The following CTNND2 variants were observed in gnomAD, a reference collection of about 807,000 sequenced individuals.
CTNND2 encodes the protein catenin delta-2.
CTNND2 carries 22 observed loss-of-function variants against 144.4 expected under a neutral mutation model. That is an observed-to-expected ratio of 0.15 (90% CI 0.11 to 0.22). The LOEUF (loss-of-function observed/expected upper bound fraction) is 0.22, where lower values mean the gene tolerates loss of function less well. Ranked by LOEUF, CTNND2 falls within the 10% of genes least tolerant of loss-of-function variation. The pLI, the probability that CTNND2 is intolerant of heterozygous loss-of-function variation, is 1.00. For synonymous variants in CTNND2, 751 were observed against 695.6 expected, an observed-to-expected ratio of 1.08 and a Z score of -1.25; for missense variants, 1,353 against 1,618.8, an observed-to-expected ratio of 0.84 and a Z score of 2.82.
intron 3 of CTNND2, among the ~76,000 whole-genome samples, chr5:11,498,321 C>A (rs565755846): frequency 6.6e-6 from 1 of 152,038 alleles, no homozygotes; most frequent in African/African-American, 2.4e-5. Flanking sequence ...CCAAGTTCGA[C>A]AAAACAACAG....
intron 11 of CTNND2, among the ~76,000 whole-genome samples, chr5:11,165,103 G>A (rs1049690495): frequency 6.6e-6 from 1 of 152,174 alleles, no homozygotes; most frequent in Non-Finnish European, 1.5e-5. Context: ...GTCATGCCTA[G>A]AGAAAATAAA....
intron 3 of CTNND2, among the ~76,000 whole-genome samples, chr5:11,529,559 A>C (rs1406657818): frequency 3.3e-5 from 5 of 152,248 alleles, no homozygotes; most frequent in African/African-American, 4.8e-5. Context: ...TCCTCATGGG[A>C]AGATAATCAA....
intron 1 of CTNND2, among the ~76,000 whole-genome samples, chr5:11,766,774 C>T (rs143076156): frequency 1.6e-4 from 25 of 152,196 alleles, no homozygotes; most frequent in African/African-American, 5.1e-4. Flanking sequence ...AATAATAACA[C>T]GCTGTGAATT....
At chr5:11,338,858 T>A (rs1753975531) in intron 9 of CTNND2, among the ~76,000 whole-genome samples, 1 of 152,190 alleles carries the variant, frequency 6.6e-6, no homozygotes, top group Non-Finnish European at 1.5e-5. Context: ...CTTTTTGCCT[T>A]GGAGTCTTCT....
At chr5:11,344,713 T>C (rs1754598552) in intron 9 of CTNND2, among the ~76,000 whole-genome samples, 1 of 152,168 alleles carries the variant, frequency 6.6e-6, no homozygotes, top group Non-Finnish European at 1.5e-5. Context: ...GGTGTTTTTC[T>C]TTTTTGGTTT....
intron 16 of CTNND2, among the ~76,000 whole-genome samples, chr5:11,023,384 G>T (rs1295650273): frequency 1.3e-5 from 2 of 152,196 alleles, no homozygotes; most frequent in African/African-American, 4.8e-5. Context: ...GTTCTTGCTT[G>T]ATGTTTATAG....
At chr5:11,715,211 T>C (rs114079390) in intron 2 of CTNND2, among the ~76,000 whole-genome samples, 1,714 of 152,266 alleles carry the variant, frequency 0.011, 32 homozygotes, top group African/African-American at 0.04. Flanking sequence ...AATGATACTA[T>C]CAAGCATGAA....
At chr5:11,066,688 G>T (rs75278806) in intron 16 of CTNND2, among the ~76,000 whole-genome samples, 3 of 152,168 alleles carry the variant, frequency 2.0e-5, no homozygotes, top group Non-Finnish European at 4.4e-5. Flanking sequence ...CAAATATTCT[G>T]CAGAGTTTGA....
At chr5:11,197,646 C>T (rs1042373859) in intron 11 of CTNND2, among the ~76,000 whole-genome samples, 5 of 152,312 alleles carry the variant, frequency 3.3e-5, no homozygotes, top group African/African-American at 9.6e-5. Context: ...GAACGGCCGA[C>T]ACCCAGAAGC....
chr5:11,306,817 G>A (rs761577650), intron 9 of CTNND2, among the ~76,000 whole-genome samples: 20 of 152,222 alleles, frequency 1.3e-4, no homozygotes, highest in Non-Finnish European at 2.6e-4. Flanking sequence ...AGAGAATGAA[G>A]TGTGATCTTA....
chr5:11,720,678 T>C (rs77093181), intron 2 of CTNND2, among the ~76,000 whole-genome samples: 7,218 of 152,282 alleles, frequency 0.047, 530 homozygotes, highest in African/African-American at 0.16. Flanking sequence ...TTTTGTCTAC[T>C]GACTAAATAT....
intron 1 of CTNND2, among the ~76,000 whole-genome samples, chr5:11,808,272 C>CA (rs1337476476): frequency 3.9e-5 from 6 of 152,146 alleles, no homozygotes; most frequent in Admixed American, 6.5e-5. Flanking sequence ...AATGAACTCC[C>CA]ACCACCTGCA....
At chr5:11,636,990 A>G (rs1346509142) in intron 2 of CTNND2, among the ~76,000 whole-genome samples, 1 of 152,064 alleles carries the variant, frequency 6.6e-6, no homozygotes, top group African/African-American at 2.4e-5. Flanking sequence ...AAACCATAGG[A>G]AAAAAAAGGT....
intron 8 of CTNND2, among the ~76,000 whole-genome samples, chr5:11,359,962 C>G (rs1756278432): frequency 6.6e-6 from 1 of 152,070 alleles, no homozygotes; most frequent in Admixed American, 6.6e-5. Context: ...ACTTGGGTAC[C>G]CTGCTCCTTG....
intron 2 of CTNND2, among the ~76,000 whole-genome samples, chr5:11,675,509 TCAC>T (rs1462287836): frequency 2.0e-5 from 3 of 152,160 alleles, no homozygotes; most frequent in African/African-American, 4.8e-5. Flanking sequence ...CCATCTTCTC[TCAC>T]CACCTCTGTG....
At chr5:11,472,155 G>A (rs1767289715) in intron 3 of CTNND2, among the ~76,000 whole-genome samples, 1 of 151,970 alleles carries the variant, frequency 6.6e-6, no homozygotes, top group South Asian at 2.1e-4. Flanking sequence ...AAATTTTTTG[G>A]GGGGGATCCT....
intron 12 of CTNND2, among the ~76,000 whole-genome samples, chr5:11,144,374 C>T (rs1363578585): frequency 2.0e-5 from 3 of 152,110 alleles, no homozygotes; most frequent in Non-Finnish European, 1.5e-5. Context: ...AACGGAGGGT[C>T]GGGGAGCTCG....
chr5:11,759,587 G>T (rs1285023486), intron 1 of CTNND2, among the ~76,000 whole-genome samples: 1 of 151,762 alleles, frequency 6.6e-6, no homozygotes, highest in African/African-American at 2.4e-5. Context: ...AGATCAAAAA[G>T]CAATAAAAAT....
intron 7 of CTNND2, among the ~76,000 whole-genome samples, chr5:11,379,360 C>A (rs967452644): frequency 6.6e-6 from 1 of 152,136 alleles, no homozygotes; most frequent in African/African-American, 2.4e-5. Flanking sequence ...ACATTTAAGA[C>A]TACAGAGATT....
Sources: allele counts gnomAD v4.1 joint callset (sites outside exome capture counted in the v4.1 genomes callset), GRCh38; gene constraint gnomAD v4.1.1; transcripts MANE v1.5; gene names NCBI Gene and HGNC (gene_info 2026-07-23, HGNC 2026-07-21).